Variants in CLIC6 observed in about 807,000 individuals in gnomAD.
The protein encoded by CLIC6 is chloride intracellular channel protein 6.
A neutral mutation model predicts 49.2 loss-of-function variants in CLIC6; 39 were observed. That is an observed-to-expected ratio of 0.79 (90% CI 0.61 to 1.04). The LOEUF (loss-of-function observed/expected upper bound fraction) is 1.04, where lower values mean the gene tolerates loss of function less well. Ranked by LOEUF, CLIC6 falls within the 50% of genes least tolerant of loss-of-function variation. CLIC6 has a pLI of 0.00. For missense variants in CLIC6, 988 were observed against 993.1 expected (o/e 0.99, Z 0.07); for synonymous variants, 446 against 433.4 (o/e 1.03, Z -0.36).
intron 1 of CLIC6, among the ~76,000 whole-genome samples, chr21:34,695,571 C>A (rs979148980): frequency 6.6e-6 from 1 of 152,146 alleles, no homozygotes; most frequent in Non-Finnish European, 1.5e-5. Flanking sequence ...AGAGTGTGGT[C>A]AAGGGTTGAC....
intron 1 of CLIC6, among the ~76,000 whole-genome samples, chr21:34,685,627 C>T (rs971660969): frequency 6.6e-6 from 1 of 152,190 alleles, no homozygotes; most frequent in African/African-American, 2.4e-5. Flanking sequence ...AGGTTGCACT[C>T]GGCGGCTTCT....
chr21:34,694,238 G>GA (rs1990052835), intron 1 of CLIC6, among the ~76,000 whole-genome samples: 3 of 103,832 alleles, frequency 2.9e-5, no homozygotes, highest in African/African-American at 1.0e-4. Flanking sequence ...CTCAGCCTCC[G>GA]AAAGTGTTGG....
At chr21:34,684,487 T>A (rs922494820) in intron 1 of CLIC6, among the ~76,000 whole-genome samples, 3 of 152,258 alleles carry the variant, frequency 2.0e-5, no homozygotes, top group Non-Finnish European at 4.4e-5. Context: ...GATGTATGAA[T>A]GACAGCCATG....
intron 5 of CLIC6, 37 bp downstream of exon 5, chr21:34,709,575 G>A (rs373654576): frequency 4.1e-5 from 64 of 1,572,746 alleles, no homozygotes; most frequent in Non-Finnish European, 5.3e-5. Context: ...CCGAGTACAC[G>A]AACGGGGCTT....
At chr21:34,704,305 A>G (rs2055999779) in intron 1 of CLIC6, among the ~76,000 whole-genome samples, 1 of 152,222 alleles carries the variant, frequency 6.6e-6, no homozygotes, top group African/African-American at 2.4e-5. Context: ...CAGGCCCTGA[A>G]GCACATTAAA....
rs748827685 is a variant in CLIC6, at chr21:34,670,734, A to G, written c.1346A>G (p.Gln449Arg). 135 of 1,600,392 alleles carry G rather than the reference A, an allele frequency of 8.4e-5. 1 individual carries two copies. In the Middle Eastern group the frequency reaches 1.5e-3, roughly 18 times the overall value. The stretch of plus-strand genomic sequence containing the variant: ...GCGTCCGAGCCCCGGGCCCTGGGGC[A>G]GGAGCACGACATCACCCTCTTCGTC... ...GEASEPRALGQEHDITLFVKA... is the reference protein window; with the variant it reads ...GEASEPRALGREHDITLFVKA... The change falls in exon 1 of 6, where the codon CAG becomes CGG. Residue 449 changes from glutamine to arginine, a missense_variant. Physicochemically the swap from Gln to Arg is conservative, Grantham distance 43. This residue lies in a region of CLIC6 where 647 missense variants were observed against 596.9 expected (regional missense o/e 1.08). Coordinates refer to ENST00000349499, the MANE Select transcript of CLIC6 (RefSeq NM_053277.3).
Position 34,670,101 on chromosome 21 carries a change from A to G in CLIC6, c.713A>G (p.Asp238Gly). Residue 238 changes from aspartate to glycine, a missense_variant, in exon 1 of 6, where the codon GAC (aspartate) becomes GGC (glycine). Physicochemically the swap from Asp to Gly is moderately conservative, Grantham distance 94. Coordinates refer to ENST00000349499, the MANE Select transcript of CLIC6 (RefSeq NM_053277.3). ...GTAGACGCGGAAGGTCCGGCGGGGGACAGCGTAGACGCGGAGGGCCGGGTG... is the reference window on the plus strand; with the variant it reads ...GTAGACGCGGAAGGTCCGGCGGGGGGCAGCGTAGACGCGGAGGGCCGGGTG... ...DSVDAEGPAG[D>G]SVDAEGRVGD... 1 of 1,376,114 alleles carries G rather than the reference A, an allele frequency of 7.3e-7. No homozygotes were observed. Among genetic ancestry groups the G allele is most frequent in the Non-Finnish European group, 9.3e-7 (1 of 1,073,442 alleles). 85.2% of individuals were successfully genotyped at this position (1,376,114 alleles called of 1,614,324 possible).
At chr21:34,704,746 C>T (rs1217775768) in intron 1 of CLIC6, among the ~76,000 whole-genome samples, 3 of 152,134 alleles carry the variant, frequency 2.0e-5, no homozygotes, top group East Asian at 1.9e-4. Flanking sequence ...TTGCTCCTAC[C>T]GGCTTTATTC....
chr21:34,713,504 T>C (rs1385625305), intron 5 of CLIC6, among the ~76,000 whole-genome samples: 1 of 152,180 alleles, frequency 6.6e-6, no homozygotes, highest in Non-Finnish European at 1.5e-5. Flanking sequence ...ACACATCTTA[T>C]AGAGTTGGTT....
At chr21:34,697,545 A>C (rs1231086361) in intron 1 of CLIC6, among the ~76,000 whole-genome samples, 1 of 152,140 alleles carries the variant, frequency 6.6e-6, no homozygotes, top group Non-Finnish European at 1.5e-5. Context: ...ATTAGCGAGG[A>C]GCAAAGGCCT....
chr21:34,669,715 GGGGGCGAGCCC>G lies in CLIC6; in HGVS notation c.331_341del (p.Ala111ThrfsTer32). Reference sequence around the variant, plus strand: ...AGACAAGCGGCGCGCAGCAGGTGGAGGGGGCGAGCCCGGGACGCGGCGCGCAGGGCGAGCCC... The same window carrying G: ...AGACAAGCGGCGCGCAGCAGGTGGAGGGGACGCGGCGCGCAGGGCGAGCCC... On this transcript the variant is annotated frameshift_variant, in exon 1 of 6. Coordinates refer to ENST00000349499, the MANE Select transcript of CLIC6 (RefSeq NM_053277.3). LOFTEE classifies it high-confidence loss of function. The G allele has an allele frequency of 7.3e-7, 1 of 1,375,196 alleles. No homozygotes were observed. Among genetic ancestry groups the G allele is most frequent in the Non-Finnish European group, 9.3e-7 (1 of 1,072,392 alleles). 85.2% of individuals were successfully genotyped at this position (1,375,196 alleles called of 1,614,324 possible).
In CLIC6 at chr21:34,670,348, G is replaced by A; in HGVS notation, c.960G>A (p.Gly320=). Residue 320 remains glycine, a synonymous_variant, in exon 1 of 6, where the codon GGG becomes GGA. Transcript: ENST00000349499. ...AIEVAAGESA[G]RSPGELAWDA... The stretch of plus-strand genomic sequence containing the variant: ...AGGTCGCAGCCGGGGAGAGTGCGGG[G>A]CGCAGCCCCGGTGAGCTCGCCTGGG... 2.1e-6 allele frequency: 3 copies of A among 1,452,406 alleles called. No homozygotes were observed. Among genetic ancestry groups the A allele is most frequent in the Non-Finnish European group, 2.7e-6 (3 of 1,103,244 alleles). The allele number at this position is 1,452,406 out of a possible 1,614,324, so 90.0% of individuals were successfully genotyped here.
intron 1 of CLIC6, among the ~76,000 whole-genome samples, chr21:34,674,770 T>C (rs1270960178): frequency 6.6e-6 from 1 of 152,228 alleles, no homozygotes; most frequent in African/African-American, 2.4e-5. Flanking sequence ...TTCTTTTTCT[T>C]TCCTCATAAT....
intron 1 of CLIC6, among the ~76,000 whole-genome samples, chr21:34,673,847 A>T (rs1419148703): frequency 6.6e-6 from 1 of 152,208 alleles, no homozygotes; most frequent in Admixed American, 6.5e-5. Flanking sequence ...TGCCAGAATT[A>T]GCCTTTTCTA....
chr21:34,700,233 G>A (rs1990161218), intron 1 of CLIC6, among the ~76,000 whole-genome samples: 1 of 151,544 alleles, frequency 6.6e-6, no homozygotes, highest in African/African-American at 2.4e-5. Flanking sequence ...GGATCACGAG[G>A]TCAGGAGATA....
At position 34,716,485 on chromosome 21, in the gene CLIC6, C is replaced by T; in HGVS notation, c.*3C>T. ...ATGTTGCAAAAAGAATGAAATGAAG[C>T]TGGGCTGTTTTCTGTCTTATTTCTC... On this transcript the variant is annotated 3_prime_UTR_variant, in exon 6 of 6. Transcript: ENST00000349499. The T allele has an allele frequency of 6.2e-7, 1 of 1,605,406 alleles. No homozygotes were observed.
chr21:34,689,019 C>G (rs1989937622), intron 1 of CLIC6, among the ~76,000 whole-genome samples: 1 of 152,194 alleles, frequency 6.6e-6, no homozygotes, highest in African/African-American at 2.4e-5. Context: ...TGAAGCTGCT[C>G]TCAGTGTGGG....
At position 34,670,416 on chromosome 21, in the gene CLIC6, A is replaced by C; in HGVS notation, c.1028A>C (p.Glu343Ala). Reference sequence around the variant, plus strand: ...GAGGTCCCGGGGGTAAAGGGGTCCGAAGAAGCGGCCCCCGGGGACGCAAGG... The same window carrying C: ...GAGGTCCCGGGGGTAAAGGGGTCCGCAGAAGCGGCCCCCGGGGACGCAAGG... ...EAEVPGVKGS[E>A]EAAPGDARAD... Residue 343 changes from glutamate to alanine, a missense_variant, in exon 1 of 6, where the codon GAA becomes GCA. Around this residue, in one of 3 missense-constraint regions of CLIC6, gnomAD observed 647 missense variants for 596.9 expected, o/e 1.08. Transcript: ENST00000349499. 6.8e-7 allele frequency: 1 copy of C among 1,460,982 alleles called. No individual in the cohort carries two copies. The highest frequency in any genetic ancestry group is 9.0e-7 in the Non-Finnish European group (1 of 1,107,392). 90.5% of individuals were successfully genotyped at this position (1,460,982 alleles called of 1,614,324 possible).
At chr21:34,680,623 C>T (rs1483459588) in intron 1 of CLIC6, among the ~76,000 whole-genome samples, 1 of 152,164 alleles carries the variant, frequency 6.6e-6, no homozygotes. Context: ...GAAATTTCTT[C>T]CACCAGATAC....
Sources: gnomAD v4.1 joint callset for allele counts (sites outside exome capture counted in the v4.1 genomes callset) on GRCh38, gnomAD v4.1.1 for gene constraint, gnomAD v4.1.1 regional missense constraint, MANE v1.5 for transcripts, NCBI Gene and HGNC (gene_info 2026-07-23, HGNC 2026-07-21) for gene names.